The following CYYR1 variants were observed in gnomAD, a reference collection of about 807,000 sequenced individuals.
The protein encoded by CYYR1 is cysteine and tyrosine-rich protein 1.
Under a neutral mutation model 15.2 loss-of-function variants are expected in CYYR1, and 14 were observed. The ratio of observed to expected loss-of-function variants is 0.92; its 90% CI spans 0.61 to 1.44. The LOEUF is 1.44. Among genes scored for constraint, CYYR1 ranks in the 40% most tolerant of loss-of-function variants. CYYR1 has a pLI of 0.00. For missense variants in CYYR1, 228 were observed against 209.5 expected, an observed-to-expected ratio of 1.09 and a Z score of -0.54; for synonymous variants, 80 against 77.4, an observed-to-expected ratio of 1.03 and a Z score of -0.18.
chr21:26,509,961 T>C (rs2065623835), intron 2 of CYYR1, among the ~76,000 whole-genome samples: 2 of 152,192 alleles, frequency 1.3e-5, no homozygotes, highest in South Asian at 4.1e-4. Context: ...TGGAATGATC[T>C]TCTTAAGATG....
intron 2 of CYYR1, among the ~76,000 whole-genome samples, chr21:26,519,680 TG>T (rs1160009712): frequency 6.6e-6 from 1 of 152,146 alleles, no homozygotes; most frequent in East Asian, 1.9e-4. Context: ...GTTGCTGGGC[TG>T]AGAACAGACT....
At chr21:26,483,155 A>T (rs1395294586) in intron 2 of CYYR1, among the ~76,000 whole-genome samples, 2 of 151,990 alleles carry the variant, frequency 1.3e-5, no homozygotes, top group African/African-American at 2.4e-5. Flanking sequence ...TTTAAATTAC[A>T]GTTATCTTAT....
chr21:26,518,033 C>T (rs1295575805), intron 2 of CYYR1, among the ~76,000 whole-genome samples: 1 of 152,178 alleles, frequency 6.6e-6, no homozygotes, highest in African/African-American at 2.4e-5. Context: ...TCTCAGCACT[C>T]ACACTGATTG....
chr21:26,495,680 G>C (rs574783641), intron 2 of CYYR1, among the ~76,000 whole-genome samples: 2 of 152,348 alleles, frequency 1.3e-5, no homozygotes, highest in East Asian at 3.9e-4. Flanking sequence ...ACTTGAGAGA[G>C]AGCCACACGG....
chr21:26,544,088 ACTGT>A (rs1320891172), intron 2 of CYYR1, among the ~76,000 whole-genome samples: 3 of 152,090 alleles, frequency 2.0e-5, no homozygotes, highest in Non-Finnish European at 2.9e-5. Context: ...ACCATTTCTA[ACTGT>A]CTGACAGATA....
intron 2 of CYYR1, among the ~76,000 whole-genome samples, chr21:26,541,549 G>T (rs1482316385): frequency 6.6e-6 from 1 of 152,096 alleles, no homozygotes; most frequent in African/African-American, 2.4e-5. Flanking sequence ...TGACATAAAG[G>T]CATTTCAGAT....
At chr21:26,559,440 C>T (rs567364808) in intron 2 of CYYR1, among the ~76,000 whole-genome samples, 34 of 152,068 alleles carry the variant, frequency 2.2e-4, no homozygotes, top group South Asian at 1.2e-3. Flanking sequence ...ATATAATTCA[C>T]GTCCCACAAA....
chr21:26,511,372 A>G (rs1431592961), intron 2 of CYYR1, among the ~76,000 whole-genome samples: 2 of 152,218 alleles, frequency 1.3e-5, no homozygotes, highest in Admixed American at 1.3e-4. Context: ...TAATTTTCTA[A>G]TCGAATCTTG....
intron 2 of CYYR1, among the ~76,000 whole-genome samples, chr21:26,541,589 T>A (rs1002541934): frequency 6.6e-6 from 1 of 152,168 alleles, no homozygotes; most frequent in Non-Finnish European, 1.5e-5. Flanking sequence ...TCTTCTCAAG[T>A]AGACTTGCCC....
chr21:26,553,699 C>T (rs1347003100), intron 2 of CYYR1, among the ~76,000 whole-genome samples: 2 of 152,154 alleles, frequency 1.3e-5, no homozygotes, highest in Non-Finnish European at 2.9e-5. Flanking sequence ...GCATTCTGTC[C>T]ACGCTCTCCA....
At chr21:26,545,405 T>G (rs1276312546) in intron 2 of CYYR1, among the ~76,000 whole-genome samples, 1 of 152,072 alleles carries the variant, frequency 6.6e-6, no homozygotes, top group Non-Finnish European at 1.5e-5. Flanking sequence ...AGCATCCACA[T>G]CACCCTGTCC....
intron 3 of CYYR1, chr21:26,471,164 T>A (rs923849769): frequency 2.0e-5 from 3 of 152,178 alleles, no homozygotes; most frequent in Admixed American, 1.3e-4. Context: ...CAAAGAGATT[T>A]ATAACAAACT....
chr21:26,473,773 T>C (rs146493506), intron 3 of CYYR1, among the ~76,000 whole-genome samples: 10 of 152,260 alleles, frequency 6.6e-5, no homozygotes, highest in Non-Finnish European at 1.0e-4. Context: ...ATGCATGAGA[T>C]GGTTAACTCA....
chr21:26,486,370 C>T (rs2065247533), intron 2 of CYYR1, among the ~76,000 whole-genome samples: 1 of 151,990 alleles, frequency 6.6e-6, no homozygotes, highest in Non-Finnish European at 1.5e-5. Context: ...TTCTCCTATG[C>T]TTCTTTCTAA....
chr21:26,566,231 G>C (rs1569180878), intron 2 of CYYR1, 35 bp downstream of exon 2: 1 of 1,447,390 alleles, frequency 6.9e-7, no homozygotes, highest in South Asian at 1.2e-5. Flanking sequence ...ACAAGAGGAA[G>C]AGCATCAGTA....
intron 2 of CYYR1, 70 bp downstream of exon 2, chr21:26,566,196 T>C: frequency 1.7e-6 from 2 of 1,188,912 alleles, no homozygotes. Context: ...CTTAGTACTT[T>C]TAAAAGACAT....
chr21:26,494,039 C>T (rs1489638070), intron 2 of CYYR1, among the ~76,000 whole-genome samples: 10 of 152,178 alleles, frequency 6.6e-5, no homozygotes, highest in African/African-American at 9.6e-5. Flanking sequence ...TAGATTGCTT[C>T]CTGCAGTCTG....
chr21:26,492,033 A>G (rs1483766615), intron 2 of CYYR1, among the ~76,000 whole-genome samples: 1 of 152,216 alleles, frequency 6.6e-6, no homozygotes, highest in Non-Finnish European at 1.5e-5. Flanking sequence ...TGTCTTGCTC[A>G]CAACCTTACC....
At chr21:26,522,680 C>T (rs2065816635) in intron 2 of CYYR1, among the ~76,000 whole-genome samples, 2 of 152,136 alleles carry the variant, frequency 1.3e-5, no homozygotes, top group Admixed American at 6.5e-5. Flanking sequence ...GATAAAACAC[C>T]ACGTTCCTGC....
Sources: gnomAD v4.1 joint callset for allele counts (sites outside exome capture counted in the v4.1 genomes callset) on GRCh38, gnomAD v4.1.1 for gene constraint, MANE v1.5 for transcripts, NCBI Gene and HGNC (gene_info 2026-07-23, HGNC 2026-07-21) for gene names.